Variants in PARM1 observed in about 807,000 individuals in gnomAD.
The protein encoded by PARM1 is prostate androgen-regulated mucin-like protein 1, also known as WSC4, cell wall integrity and stress response component 4 homolog.
PARM1 carries 14 observed loss-of-function variants against 24.6 expected under a neutral mutation model. The ratio of observed to expected loss-of-function variants is 0.57; its 90% CI spans 0.38 to 0.89. The LOEUF (loss-of-function observed/expected upper bound fraction) is 0.89. Among genes scored for constraint, PARM1 ranks in the 40% least tolerant of loss-of-function variants. The pLI is 0.00. For synonymous variants in PARM1, 179 were observed against 156.6 expected (o/e 1.14, Z -1.07); for missense variants, 362 against 380.4 (o/e 0.95, Z 0.40).
intron 1 of PARM1, among the ~76,000 whole-genome samples, chr4:74,950,769 C>T (rs1256119006): frequency 2.0e-5 from 3 of 151,696 alleles, no homozygotes; most frequent in Non-Finnish European, 4.4e-5. Flanking sequence ...TATTTATCTA[C>T]GTATTTATTG....
At chr4:75,040,442 A>G (rs936118654) in intron 3 of PARM1, among the ~76,000 whole-genome samples, 15 of 150,930 alleles carry the variant, frequency 9.9e-5, no homozygotes, top group African/African-American at 2.7e-4. Flanking sequence ...CAGAGTCTGG[A>G]AAAAAAAAGG....
chr4:74,946,819 T>C (rs1283282631), intron 1 of PARM1, among the ~76,000 whole-genome samples: 1 of 152,174 alleles, frequency 6.6e-6, no homozygotes, highest in Non-Finnish European at 1.5e-5. Context: ...ACAATAATAA[T>C]ACAAAATTCG....
rs550450372 is a variant in PARM1, at chr4:75,049,790, G to A, written c.*3543G>A. The A allele has an allele frequency of 6.6e-6, 1 of 152,162 alleles. No individual in the cohort carries two copies. Among genetic ancestry groups the A allele is most frequent in the East Asian group, 1.9e-4 (1 of 5,178 alleles). The allele number at this position is 152,162 out of a possible 1,614,324, so 9.4% of individuals were successfully genotyped here. On this transcript the variant is annotated 3_prime_UTR_variant, in exon 4 of 4. Transcript: ENST00000307428. ...TGCATGGTTCAATCCCTCACATCCA[G>A]GAAATGAATTTTGCAATTGGGCCAG...
At chr4:74,988,364 G>A (rs1057485720) in intron 1 of PARM1, among the ~76,000 whole-genome samples, 3 of 152,172 alleles carry the variant, frequency 2.0e-5, no homozygotes, top group Non-Finnish European at 2.9e-5. Context: ...AGATGGCCAT[G>A]CATAGAGTAG....
rs1306687914 is a variant in PARM1, at chr4:74,947,877, G to A, written c.43+14507G>A. Among the ~76,000 whole-genome samples, 4 of 152,176 alleles carry A rather than the reference G, an allele frequency of 2.6e-5. No homozygotes were observed. The East Asian group carries it at 7.7e-4, about 29-fold the overall frequency. ...GTTGCTTGCAAAACAAGTCCGCAGT[G>A]TTTAGCAAGTGGCTTGGGATCTGAA... On this transcript the variant is annotated intron_variant, in intron 1 of 3. Transcript: ENST00000307428.
At chr4:75,016,094 G>T (rs1240799131) in intron 2 of PARM1, among the ~76,000 whole-genome samples, 1 of 152,152 alleles carries the variant, frequency 6.6e-6, no homozygotes, top group Admixed American at 6.5e-5. Flanking sequence ...GAAACAAGGT[G>T]AATATTATGG....
chr4:74,935,662 A>G (rs1721164521), intron 1 of PARM1, among the ~76,000 whole-genome samples: 1 of 152,102 alleles, frequency 6.6e-6, no homozygotes, highest in South Asian at 2.1e-4. Flanking sequence ...TCTTAAGGTG[A>G]TACTTTCTTG....
intron 1 of PARM1, among the ~76,000 whole-genome samples, chr4:75,003,321 G>GA (rs879669555): frequency 2.4e-3 from 286 of 117,464 alleles, no homozygotes; most frequent in African/African-American, 2.7e-3. Context: ...TGCATCTAAG[G>GA]AAAAAAAAAA....
At chr4:74,976,352 T>G (rs1370684050) in intron 1 of PARM1, among the ~76,000 whole-genome samples, 1 of 152,106 alleles carries the variant, frequency 6.6e-6, no homozygotes, top group East Asian at 1.9e-4. Context: ...CCAGACTGCT[T>G]CTTTAGGTGG....
At chr4:74,934,996 CTT>C (rs11392364) in intron 1 of PARM1, among the ~76,000 whole-genome samples, 9,127 of 116,500 alleles carry the variant, frequency 0.078, 385 homozygotes, top group Non-Finnish European at 0.093. Flanking sequence ...GCTCTTTTTT[CTT>C]TTTTTTTTTT....
intron 2 of PARM1, among the ~76,000 whole-genome samples, chr4:75,027,481 A>T (rs113635433): frequency 5.9e-5 from 9 of 152,216 alleles, no homozygotes; most frequent in African/African-American, 2.2e-4. Flanking sequence ...TAAAATTAAG[A>T]TCTACCTAGG....
chr4:75,009,631 C>T (rs1271327723), intron 1 of PARM1, among the ~76,000 whole-genome samples: 1 of 152,146 alleles, frequency 6.6e-6, no homozygotes, highest in South Asian at 2.1e-4. Context: ...CCTGAGGAAG[C>T]CATGATGGAT....
At position 75,032,253 on chromosome 4, in the gene PARM1, T is replaced by C. The variant is rs148980315; in HGVS notation, c.770-1630T>C. 3.9e-3 allele frequency among the ~76,000 whole-genome samples: 597 copies of C among 152,332 alleles called. 2 individuals carry two copies. The highest frequency in any genetic ancestry group is 5.7e-3 in the Non-Finnish European group (386 of 68,028). ...TGACAAGCTCTGGTCTTAGTCTTAA[T>C]GTTAGCAATGATTTTTTTTGGTCTC... On this transcript the variant is annotated intron_variant, in intron 2 of 3. Coordinates refer to ENST00000307428, the MANE Select transcript of PARM1 (RefSeq NM_015393.4).
At chr4:75,029,513 CT>C (rs1348026707) in intron 2 of PARM1, among the ~76,000 whole-genome samples, 2 of 152,204 alleles carry the variant, frequency 1.3e-5, no homozygotes. Context: ...CCCATGCTCT[CT>C]TGCCTGCCAC....
chr4:75,012,283 T>G, intron 1 of PARM1, 142 bp from the exon 2 acceptor site: 1 of 880,868 alleles, frequency 1.1e-6, no homozygotes. Context: ...AAAAGTTGCC[T>G]TCACAACTGG....
intron 3 of PARM1, among the ~76,000 whole-genome samples, chr4:75,035,459 G>C (rs529838921): frequency 6.6e-6 from 1 of 152,062 alleles, no homozygotes; most frequent in Admixed American, 6.6e-5. Context: ...CCCCCAAGCA[G>C]CCATGTTTCT....
At chr4:74,953,372 G>A (rs79881478) in intron 1 of PARM1, among the ~76,000 whole-genome samples, 10,885 of 152,184 alleles carry the variant, frequency 0.072, 464 homozygotes, top group Non-Finnish European at 0.094. Context: ...AAAAATTAAA[G>A]CTCTGATGCT....
chr4:74,996,428 A>G (rs1014437247), intron 1 of PARM1, among the ~76,000 whole-genome samples: 1 of 152,218 alleles, frequency 6.6e-6, no homozygotes, highest in Admixed American at 6.5e-5. Flanking sequence ...ACTTTCTTCA[A>G]ATACATTAAA....
intron 2 of PARM1, among the ~76,000 whole-genome samples, chr4:75,023,153 A>T (rs1444379811): frequency 6.6e-6 from 1 of 152,230 alleles, no homozygotes; most frequent in Non-Finnish European, 1.5e-5. Context: ...ATGTGGAGAA[A>T]TCACGGAGTC....
Sources: allele counts gnomAD v4.1 joint callset (sites outside exome capture counted in the v4.1 genomes callset), GRCh38; gene constraint gnomAD v4.1.1; transcripts MANE v1.5; gene names NCBI Gene and HGNC (gene_info 2026-07-23, HGNC 2026-07-21).